Variants in DHRSX observed in about 807,000 individuals in gnomAD.
DHRSX encodes polyprenol dehydrogenase.
DHRSX carries 31 observed loss-of-function variants against 34.0 expected under a neutral mutation model. The observed-to-expected ratio is 0.91, with a 90% CI of 0.69 to 1.23. The LOEUF (loss-of-function observed/expected upper bound fraction) is 1.23. DHRSX is among the 50% of genes most tolerant of loss of function. The probability of loss-of-function intolerance (pLI) is 0.00; values close to 1 mark genes in which losing one functional copy is unlikely to be tolerated. For missense variants in DHRSX, 414 were observed against 428.1 expected, an observed-to-expected ratio of 0.97 and a Z score of 0.29; for synonymous variants, 201 against 183.8, an observed-to-expected ratio of 1.09 and a Z score of -0.76.
intron 3 of DHRSX, among the ~76,000 whole-genome samples, chrX:2,362,595 G>A (rs1022190316): frequency 1.3e-5 from 2 of 152,180 alleles, no homozygotes; most frequent in Non-Finnish European, 2.9e-5. Flanking sequence ...CACCATGCCT[G>A]GCCAGGTCTG....
intron 3 of DHRSX, among the ~76,000 whole-genome samples, chrX:2,379,781 A>C (rs1472631006): frequency 6.6e-6 from 1 of 151,948 alleles, no homozygotes; most frequent in Non-Finnish European, 1.5e-5. Context: ...GTCTGGTGGC[A>C]TCACAGGCTT....
intron 2 of DHRSX, among the ~76,000 whole-genome samples, chrX:2,418,870 C>T (rs2043732388): frequency 6.6e-6 from 1 of 152,146 alleles, no homozygotes; most frequent in Admixed American, 6.5e-5. Flanking sequence ...ATGGTCAAAA[C>T]CAAGGGTTGC....
At chrX:2,333,285 A>T (rs1450622258) in intron 3 of DHRSX, among the ~76,000 whole-genome samples, 1 of 152,216 alleles carries the variant, frequency 6.6e-6, no homozygotes, top group African/African-American at 2.4e-5. Flanking sequence ...GTGCAGCTGT[A>T]CAAACATGTA....
intron 3 of DHRSX, among the ~76,000 whole-genome samples, chrX:2,380,333 A>C: frequency 7.0e-6 from 1 of 142,708 alleles, no homozygotes; most frequent in African/African-American, 2.6e-5. Context: ...AAAAGACTGC[A>C]TTGCAGGATG....
chrX:2,480,480 G>C (rs2044752038), intron 1 of DHRSX, among the ~76,000 whole-genome samples: 1 of 148,140 alleles, frequency 6.8e-6, no homozygotes, highest in Admixed American at 6.9e-5. Context: ...CCAAGAGTTT[G>C]AGACAAGCCT....
chrX:2,366,787 C>T (rs1173109633), intron 3 of DHRSX, among the ~76,000 whole-genome samples: 15 of 150,658 alleles, frequency 1.0e-4, no homozygotes, highest in East Asian at 9.8e-4. Context: ...CCTGTAGAGA[C>T]GAGATCTTGC....
chrX:2,451,967 A>C (rs1037241222), intron 1 of DHRSX, among the ~76,000 whole-genome samples: 1 of 151,680 alleles, frequency 6.6e-6, no homozygotes, highest in Non-Finnish European at 1.5e-5. Context: ...TTCCCTAAGT[A>C]TGTGGCTAAG....
At chrX:2,380,300 C>CAAA (rs60910908) in intron 3 of DHRSX, among the ~76,000 whole-genome samples, 5 of 41,598 alleles carry the variant, frequency 1.2e-4, no homozygotes, top group Non-Finnish European at 1.4e-4. Context: ...GACTCCGTCT[C>CAAA]AAAAAAAAAA....
At chrX:2,407,052 T>C (rs756998252) in intron 3 of DHRSX, among the ~76,000 whole-genome samples, 5 of 152,154 alleles carry the variant, frequency 3.3e-5, no homozygotes, top group Admixed American at 6.5e-5. Flanking sequence ...AAAGAAAATA[T>C]ATATCTATAC....
intron 3 of DHRSX, among the ~76,000 whole-genome samples, chrX:2,295,761 C>T (rs949339463): frequency 1.1e-4 from 16 of 152,166 alleles, no homozygotes; most frequent in Non-Finnish European, 2.2e-4. Context: ...GGACTTCCTT[C>T]TTCTGCAGTA....
Position 2,266,893 on chromosome X carries a change from A to C in DHRSX, c.443T>G (p.Phe148Cys). 6.2e-7 allele frequency: 1 copy of C among 1,613,982 alleles called. No individual in the cohort carries two copies. The highest frequency in any genetic ancestry group is 8.5e-7 in the Non-Finnish European group (1 of 1,179,860). The change falls in exon 5 of 7, where the codon TTC becomes TGC. Residue 148 changes from phenylalanine to cysteine, a missense_variant. By Grantham distance (205) the Phe-to-Cys change is radical. Transcript: ENST00000334651. ...GAAGTGCCCTAGGTAGTTCAGGCCG[A>C]AATGTTCTTCGAATCCATCTCTGGT... is the stretch of plus-strand genomic sequence containing the variant. Reference protein sequence around the residue: ...RKTRDGFEEHFGLNYLGHFLL... With the variant: ...RKTRDGFEEHCGLNYLGHFLL...
chrX:2,448,513 AAGGTTATGT>A (rs2044170549), intron 1 of DHRSX, among the ~76,000 whole-genome samples: 1 of 146,766 alleles, frequency 6.8e-6, no homozygotes, highest in Non-Finnish European at 1.5e-5. Context: ...GGTTAGAGTT[AAGGTTATGT>A]GAATATGTTA....
At chrX:2,223,058 T>A (rs2015556583) in intron 6 of DHRSX, among the ~76,000 whole-genome samples, 1 of 152,050 alleles carries the variant, frequency 6.6e-6, no homozygotes, top group African/African-American at 2.4e-5. Context: ...CACCTAGGGG[T>A]GCCCAGAGAT....
chrX:2,319,719 A>G (rs2042284955), intron 3 of DHRSX, among the ~76,000 whole-genome samples: 1 of 152,072 alleles, frequency 6.6e-6, no homozygotes, highest in African/African-American at 2.4e-5. Flanking sequence ...GCTTCCGGTC[A>G]AGAGTACACT....
At chrX:2,378,806 GA>G (rs1331940525) in intron 3 of DHRSX, among the ~76,000 whole-genome samples, 1 of 151,920 alleles carries the variant, frequency 6.6e-6, no homozygotes, top group Non-Finnish European at 1.5e-5. Context: ...GAGTAGCTGG[GA>G]TTGCAGGTGC....
intron 3 of DHRSX, among the ~76,000 whole-genome samples, chrX:2,376,521 C>A (rs2043142144): frequency 7.3e-6 from 1 of 137,312 alleles, no homozygotes; most frequent in South Asian, 2.3e-4. Context: ...ACTGTGACCT[C>A]ACCAAGATGT....
At chrX:2,249,631 C>G (rs1302913322) in intron 5 of DHRSX, among the ~76,000 whole-genome samples, 1 of 138,544 alleles carries the variant, frequency 7.2e-6, no homozygotes, top group East Asian at 2.3e-4. Context: ...TCAAGTGATT[C>G]TCCTGCCTCA....
chrX:2,409,103 C>T (rs928537243), intron 2 of DHRSX, among the ~76,000 whole-genome samples: 1 of 152,110 alleles, frequency 6.6e-6, no homozygotes, highest in Non-Finnish European at 1.5e-5. Flanking sequence ...GTAATTTGCA[C>T]GTGAGAGCTG....
chrX:2,276,162 A>T (rs970631802), intron 4 of DHRSX, among the ~76,000 whole-genome samples: 2 of 152,176 alleles, frequency 1.3e-5, no homozygotes, highest in African/African-American at 4.8e-5. Context: ...AATTTCAATA[A>T]TTTTTGGGAA....
Sources: gnomAD v4.1 joint callset for allele counts (sites outside exome capture counted in the v4.1 genomes callset) on GRCh38, gnomAD v4.1.1 for gene constraint, MANE v1.5 for transcripts, NCBI Gene and HGNC (gene_info 2026-07-23, HGNC 2026-07-21) for gene names.